FMN2: variants seen among roughly 807,000 people sequenced by gnomAD.
The protein encoded by FMN2 is formin 2, also known as formin-2.
FMN2 carries 51 observed loss-of-function variants against 142.3 expected under a neutral mutation model. That is an observed-to-expected ratio of 0.36 (90% CI 0.29 to 0.45). FMN2 has a LOEUF of 0.45. Ranked by LOEUF, FMN2 falls within the 20% of genes least tolerant of loss-of-function variation. FMN2 has a pLI of 1.00. For synonymous variants in FMN2, 882 were observed against 869.8 expected, an observed-to-expected ratio of 1.01 and a Z score of -0.25; for missense variants, 1,936 against 2,122.8, an observed-to-expected ratio of 0.91 and a Z score of 1.73.
In FMN2 at chr1:240,334,171, A is replaced by G. The variant is rs139884638; in HGVS notation, c.4707A>G (p.Ser1569=). The change falls in exon 13 of 18, where the codon TCA becomes TCG. Residue 1569 remains serine (S), a synonymous_variant. Coordinates refer to ENST00000319653, the MANE Select transcript of FMN2 (RefSeq NM_020066.5). ...AACCCCAGGACCTTTTTCAGGCCTC[A>G]CAGATGAAGTTTGAAGATTTTCAAA... The part of the protein sequence containing the change: ...LPEPQDLFQA[S]QMKFEDFQKD... 2.2e-5 allele frequency: 35 copies of G among 1,608,720 alleles called. No individual in the cohort carries two copies. The African/African-American group carries it at 4.4e-4, about 20-fold the overall frequency.
At chr1:240,094,519 AG>A (rs1352571861) in intron 1 of FMN2, among the ~76,000 whole-genome samples, 3 of 152,172 alleles carry the variant, frequency 2.0e-5, no homozygotes, top group African/African-American at 7.2e-5. Flanking sequence ...GGCGGCATAA[AG>A]CACAGCCAGA....
intron 2 of FMN2, among the ~76,000 whole-genome samples, chr1:240,152,959 C>T (rs1441521304): frequency 1.3e-5 from 2 of 152,164 alleles, no homozygotes; most frequent in Non-Finnish European, 2.9e-5. Flanking sequence ...GGGTGAGTTA[C>T]TTATTTGAGA....
intron 4 of FMN2, among the ~76,000 whole-genome samples, chr1:240,196,986 C>A (rs1382242043): frequency 6.6e-6 from 1 of 152,086 alleles, no homozygotes; most frequent in African/African-American, 2.4e-5. Context: ...TCCTAAAATC[C>A]TTGGAATCTT....
chr1:240,181,091 G>A lies in FMN2; in HGVS notation c.1930+3023G>A, dbSNP rs1342757653. Reference sequence around the variant, plus strand: ...ATGATCTCTGCTCACTGCAACCACCGTCTCCCGGGTTCAAGTGATTTTCCC... The same window carrying A: ...ATGATCTCTGCTCACTGCAACCACCATCTCCCGGGTTCAAGTGATTTTCCC... On this transcript the variant is annotated intron_variant, in intron 3 of 17. Coordinates refer to ENST00000319653, the MANE Select transcript of FMN2 (RefSeq NM_020066.5). Among the ~76,000 whole-genome samples, 5 of 151,910 alleles carry A rather than the reference G, an allele frequency of 3.3e-5. No individual in the cohort carries two copies. In the South Asian group the frequency reaches 6.2e-4, roughly 19 times the overall value.
intron 2 of FMN2, among the ~76,000 whole-genome samples, chr1:240,134,807 T>G (rs1258437559): frequency 6.6e-5 from 10 of 152,190 alleles, no homozygotes; most frequent in Non-Finnish European, 1.3e-4. Context: ...TCAATCCATT[T>G]TACTTAATTT....
intron 15 of FMN2, among the ~76,000 whole-genome samples, chr1:240,421,322 A>G (rs998718018): frequency 2.6e-5 from 4 of 152,222 alleles, no homozygotes; most frequent in African/African-American, 7.2e-5. Flanking sequence ...TTTAATTTTA[A>G]TGTCTACCTT....
chr1:240,159,193 GTTTT>G (rs151193195), intron 2 of FMN2, among the ~76,000 whole-genome samples: 1 of 147,668 alleles, frequency 6.8e-6, no homozygotes, highest in Non-Finnish European at 1.5e-5. Flanking sequence ...CTTTTTCTGT[GTTTT>G]TTTTTTAAAT....
chr1:240,173,807 A>C (rs1013732843), intron 2 of FMN2, among the ~76,000 whole-genome samples: 1 of 152,328 alleles, frequency 6.6e-6, no homozygotes, highest in African/African-American at 2.4e-5. Context: ...GTTCAAAGAC[A>C]GGGGGACTGA....
intron 13 of FMN2, among the ~76,000 whole-genome samples, chr1:240,339,708 A>G (rs1368478254): frequency 1.3e-5 from 2 of 151,434 alleles, no homozygotes; most frequent in Non-Finnish European, 2.9e-5. Context: ...CTTTTGTTCT[A>G]TCTGGTAGGT....
chr1:240,180,488 T>TATTA (rs1665103016), intron 3 of FMN2, among the ~76,000 whole-genome samples: 1 of 152,050 alleles, frequency 6.6e-6, no homozygotes, highest in Admixed American at 6.6e-5. Context: ...AGTAATGATC[T>TATTA]ATTTGTAGTT....
At chr1:240,434,116 G>T (rs1675273063) in intron 15 of FMN2, among the ~76,000 whole-genome samples, 1 of 152,154 alleles carries the variant, frequency 6.6e-6, no homozygotes, top group Non-Finnish European at 1.5e-5. Context: ...GATGTTGATT[G>T]TTCAGTGACA....
chr1:240,221,852 T>A (rs1423305954), intron 6 of FMN2, among the ~76,000 whole-genome samples: 2 of 146,600 alleles, frequency 1.4e-5, no homozygotes, highest in East Asian at 4.0e-4. Flanking sequence ...CTAGGGACTT[T>A]TTTTTTTTTT....
chr1:240,456,242 T>C (rs1246551523), intron 16 of FMN2, among the ~76,000 whole-genome samples: 1 of 152,144 alleles, frequency 6.6e-6, no homozygotes, highest in Non-Finnish European at 1.5e-5. Context: ...AACTGAAAGC[T>C]TATTCATATT....
Position 240,168,703 on chromosome 1 carries a change from G to C in FMN2, c.1783-9218G>C, listed in dbSNP as rs1379380325. ...TGATTAGGAAAAAAAGATATAGTAA[G>C]AAAATAAAAAGGTGCTATTTTAGTG... On this transcript the variant is annotated intron_variant, in intron 2 of 17. Coordinates refer to ENST00000319653, the MANE Select transcript of FMN2 (RefSeq NM_020066.5). Among the ~76,000 whole-genome samples the C allele has an allele frequency of 2.0e-5, 3 of 152,096 alleles. No homozygotes were observed. In the East Asian group the frequency reaches 5.8e-4, roughly 29 times the overall value.
At chr1:240,188,324 A>G (rs1339590347) in intron 4 of FMN2, 62 bp downstream of exon 4, 22 of 1,554,570 alleles carry the variant, frequency 1.4e-5, no homozygotes, top group Non-Finnish European at 1.9e-5. Context: ...AGATTGTGAC[A>G]GACTCTGCGA....
intron 2 of FMN2, among the ~76,000 whole-genome samples, chr1:240,163,864 A>G (rs922634949): frequency 6.6e-6 from 1 of 151,346 alleles, no homozygotes; most frequent in Non-Finnish European, 1.5e-5. Context: ...ACTATCTTTT[A>G]TTATTATTAT....
In FMN2 at chr1:240,421,087, C is replaced by A. The variant is rs546121939; in HGVS notation, c.4911-16974C>A. ...GAGCCAAAGTCCCCTTTAGAGGAGT[C>A]TTGTGTCTGTAGGATTGCACTTGTA... On this transcript the variant is annotated intron_variant, in intron 15 of 17. Coordinates refer to ENST00000319653, the MANE Select transcript of FMN2 (RefSeq NM_020066.5). Among the ~76,000 whole-genome samples, 14 of 152,286 alleles carry A rather than the reference C, an allele frequency of 9.2e-5. No individual in the cohort carries two copies. The South Asian group carries it at 2.9e-3, about 32-fold the overall frequency.
At chr1:240,097,841 G>A (rs889580280) in intron 1 of FMN2, among the ~76,000 whole-genome samples, 3 of 152,236 alleles carry the variant, frequency 2.0e-5, no homozygotes, top group Admixed American at 2.0e-4. Context: ...GTCTTGAGGT[G>A]TAGCTGTTTA....
rs565764975 is a variant in FMN2 at position 240,279,020 on chromosome 1, T to A, written c.4154-15802T>A. On this transcript the variant is annotated intron_variant, in intron 7 of 17. Coordinates refer to ENST00000319653, the MANE Select transcript of FMN2 (RefSeq NM_020066.5). Reference sequence around the variant, plus strand: ...TTCATAGAGCAACCTGAGCTCGAACTGTAATTTTGTTCTAGTTGGGCAGTG... The same window carrying A: ...TTCATAGAGCAACCTGAGCTCGAACAGTAATTTTGTTCTAGTTGGGCAGTG... Among the ~76,000 whole-genome samples the A allele has an allele frequency of 7.2e-5, 11 of 152,304 alleles. No homozygotes were observed. In the South Asian group the frequency reaches 1.5e-3, roughly 20 times the overall value.
Sources: gnomAD v4.1 joint callset for allele counts (sites outside exome capture counted in the v4.1 genomes callset) on GRCh38, gnomAD v4.1.1 for gene constraint, MANE v1.5 for transcripts, NCBI Gene and HGNC (gene_info 2026-07-23, HGNC 2026-07-21) for gene names.